DENND5A: variants seen among roughly 807,000 people sequenced by gnomAD.
DENND5A encodes the protein DENN domain containing 5A, also known as DENN domain-containing protein 5A.
Under a neutral mutation model 140.3 loss-of-function variants are expected in DENND5A, and 64 were observed. That is an observed-to-expected ratio of 0.46 (90% confidence interval 0.37 to 0.56). The LOEUF is 0.56. Ranked by LOEUF, DENND5A falls within the 20% of genes least tolerant of loss-of-function variation. The pLI is 0.00. For synonymous variants in DENND5A, 605 were observed against 607.7 expected (o/e 1.00, Z 0.07); for missense variants, 1,292 against 1,593.8 (o/e 0.81, Z 3.22).
intron 1 of DENND5A, among the ~76,000 whole-genome samples, chr11:9,261,050 C>A (rs181053940): frequency 6.6e-6 from 1 of 151,950 alleles, no homozygotes; most frequent in Non-Finnish European, 1.5e-5. Flanking sequence ...AGAGTCTTGC[C>A]GTGCTGCCCA....
intron 1 of DENND5A, among the ~76,000 whole-genome samples, chr11:9,252,566 G>C (rs1446520207): frequency 1.3e-5 from 2 of 151,924 alleles, no homozygotes; most frequent in African/African-American, 2.4e-5. Flanking sequence ...AGAATTGCTT[G>C]AACCTTGGAG....
At chr11:9,206,364 A>T (rs1239213706) in intron 3 of DENND5A, among the ~76,000 whole-genome samples, 1 of 152,236 alleles carries the variant, frequency 6.6e-6, no homozygotes, top group African/African-American at 2.4e-5. Flanking sequence ...TGAAGTTTAA[A>T]ATTGACTCAT....
At chr11:9,187,937 C>T (rs1009355088) in intron 5 of DENND5A, among the ~76,000 whole-genome samples, 4 of 152,222 alleles carry the variant, frequency 2.6e-5, no homozygotes, top group African/African-American at 7.2e-5. Context: ...AATGTACACT[C>T]TCTGTCCCTC....
intron 4 of DENND5A, among the ~76,000 whole-genome samples, chr11:9,197,752 T>C (rs1340756436): frequency 6.6e-6 from 1 of 152,194 alleles, no homozygotes; most frequent in African/African-American, 2.4e-5. Flanking sequence ...GTGCACATAT[T>C]ATTTATTTGT....
In DENND5A at chr11:9,206,735, C is replaced by A; in HGVS notation, c.229G>T (p.Val77Phe). ...ACGTTCTCAGGATATCGTGCAAGGACCTTAGATTTGAATGTTCTTCTCAAT... is the reference window on the plus strand; with the variant it reads ...ACGTTCTCAGGATATCGTGCAAGGAACTTAGATTTGAATGTTCTTCTCAAT... ...TPLRRTFKSK[V>F]LARYPENVEW... Residue 77 changes from valine (V) to phenylalanine (F), a missense_variant, in exon 3 of 23, where the codon GTC becomes TTC. Coordinates refer to ENST00000328194, the MANE Select transcript of DENND5A (RefSeq NM_015213.4). The A allele has an allele frequency of 6.2e-7, 1 of 1,613,920 alleles. No homozygotes were observed. Among genetic ancestry groups the A allele is most frequent in the Non-Finnish European group, 8.5e-7 (1 of 1,179,902 alleles).
chr11:9,195,813 C>T (rs188004114), intron 4 of DENND5A, among the ~76,000 whole-genome samples: 3 of 152,168 alleles, frequency 2.0e-5, no homozygotes, highest in African/African-American at 4.8e-5. Context: ...GTCTTTTCCC[C>T]GGTTCCTGAA....
At chr11:9,190,792 G>C (rs891970549) in intron 5 of DENND5A, among the ~76,000 whole-genome samples, 1 of 152,008 alleles carries the variant, frequency 6.6e-6, no homozygotes, top group Non-Finnish European at 1.5e-5. Context: ...TAATTTTATT[G>C]TTTATGCTTT....
intron 11 of DENND5A, among the ~76,000 whole-genome samples, chr11:9,162,745 G>A (rs1287145002): frequency 1.3e-5 from 2 of 151,960 alleles, no homozygotes; most frequent in East Asian, 3.9e-4. Flanking sequence ...CTGTTGCCTA[G>A]ACTGGAGTGC....
Position 9,165,816 on chromosome 11 carries a change from C to A in DENND5A, c.2283+20G>T. 6.2e-7 allele frequency: 1 copy of A among 1,613,416 alleles called. No individual in the cohort carries two copies. The highest frequency in any genetic ancestry group is 8.5e-7 in the Non-Finnish European group (1 of 1,179,542). On this transcript the variant is annotated intron_variant, in intron 11 of 22. Transcript: ENST00000328194. ...GCTGCTAACAGAAATAGCACACATA[C>A]AGAGATGTCCACAGCTTACCTTATT...
chr11:9,152,381 G>A lies in DENND5A; in HGVS notation c.2498C>T (p.Thr833Ile). Reference protein sequence around the residue: ...HYQDNRQRKLTSGSLSTSGIL... With the variant: ...HYQDNRQRKLISGSLSTSGIL... The stretch of plus-strand genomic sequence containing the variant: ...ACCTGAGGTACTGAGGCTTCCTGAT[G>A]TGAGTTTTCTCTGCCGGTTGTCCTG... The change falls in exon 13 of 23, where the codon ACA becomes ATA. Residue 833 changes from threonine (T) to isoleucine (I), a missense_variant. Coordinates refer to ENST00000328194, the MANE Select transcript of DENND5A (RefSeq NM_015213.4). The A allele has an allele frequency of 1.2e-6, 2 of 1,613,490 alleles. No individual in the cohort carries two copies. Among genetic ancestry groups the A allele is most frequent in the African/African-American group, 1.3e-5 (1 of 75,034 alleles).
chr11:9,226,920 G>A (rs374893726), intron 1 of DENND5A, among the ~76,000 whole-genome samples: 1 of 152,104 alleles, frequency 6.6e-6, no homozygotes, highest in Non-Finnish European at 1.5e-5. Context: ...TGTAATCCCA[G>A]CACTTTGGGA....
Position 9,243,095 on chromosome 11 carries a change from A to C in DENND5A, c.109+21866T>G, listed in dbSNP as rs1205360200. Among the ~76,000 whole-genome samples, 6 of 138,596 alleles carry C rather than the reference A, an allele frequency of 4.3e-5. No homozygotes were observed. In the South Asian group the frequency reaches 1.3e-3, roughly 30 times the overall value. The allele number at this position is 138,596 out of a possible 152,430, so 90.9% of individuals were successfully genotyped here. A position where few individuals can be genotyped will look rare whatever the true frequency, so the allele number is the denominator to read the frequency against. On this transcript the variant is annotated intron_variant, in intron 1 of 22. Coordinates refer to ENST00000328194, the MANE Select transcript of DENND5A (RefSeq NM_015213.4). ...ACAGCGAGACTCTGTCTCAAAAAAAAAAAAAAAAACAAAAAAAAAAACTGA... is the reference window on the plus strand; with the variant it reads ...ACAGCGAGACTCTGTCTCAAAAAAACAAAAAAAAACAAAAAAAAAAACTGA...
At chr11:9,196,457 C>T (rs372266365) in intron 4 of DENND5A, among the ~76,000 whole-genome samples, 7 of 152,180 alleles carry the variant, frequency 4.6e-5, no homozygotes, top group African/African-American at 1.7e-4. Flanking sequence ...ACGGCTATAT[C>T]TACAAGTAAG....
At chr11:9,228,454 T>C (rs1278772378) in intron 1 of DENND5A, among the ~76,000 whole-genome samples, 2 of 151,950 alleles carry the variant, frequency 1.3e-5, no homozygotes, top group Admixed American at 6.6e-5. Flanking sequence ...AACTCCACTT[T>C]GAAAACCCAT....
At chr11:9,193,315 G>C (rs1264808012) in intron 5 of DENND5A, among the ~76,000 whole-genome samples, 179 bp downstream of exon 5, 2 of 152,220 alleles carry the variant, frequency 1.3e-5, no homozygotes, top group Non-Finnish European at 2.9e-5. Flanking sequence ...AAGTGTCTCT[G>C]GGATGACATA....
intron 2 of DENND5A, chr11:9,207,351 A>T (rs1849725075): frequency 1.8e-6 from 1 of 544,548 alleles, no homozygotes; most frequent in African/African-American, 1.9e-5. Context: ...CCCTCCTAAA[A>T]ACACTAAAGT....
chr11:9,145,501 C>G (rs909252365), intron 17 of DENND5A, 169 bp downstream of exon 17: 1 of 770,068 alleles, frequency 1.3e-6, no homozygotes, highest in African/African-American at 1.7e-5. Context: ...GGGTCCCCCT[C>G]CTCAGGGTCA....
intron 8 of DENND5A, chr11:9,176,767 C>A: frequency 7.9e-6 from 3 of 378,084 alleles, no homozygotes; most frequent in Admixed American, 3.2e-5. Context: ...CCATCAACTG[C>A]TTACTCATAA....
chr11:9,246,537 AG>A (rs1851478683), intron 1 of DENND5A, among the ~76,000 whole-genome samples: 1 of 146,442 alleles, frequency 6.8e-6, no homozygotes, highest in East Asian at 2.0e-4. Context: ...ACTTGAACCC[AG>A]GGGGTGGAGG....
Sources: allele counts gnomAD v4.1 joint callset (sites outside exome capture counted in the v4.1 genomes callset), GRCh38; gene constraint gnomAD v4.1.1; transcripts MANE v1.5; gene names NCBI Gene and HGNC (gene_info 2026-07-23, HGNC 2026-07-21).